Variants in PRKDC observed in about 807,000 individuals in gnomAD.
The protein encoded by PRKDC is DNA-dependent protein kinase catalytic subunit.
Under a neutral mutation model 486.9 loss-of-function variants are expected in PRKDC, and 82 were observed. The ratio of observed to expected loss-of-function variants is 0.17; its 90% CI spans 0.14 to 0.20. The LOEUF (loss-of-function observed/expected upper bound fraction) is 0.20. Ranked by LOEUF, PRKDC falls within the 10% of genes least tolerant of loss-of-function variation. PRKDC has a pLI of 1.00. For synonymous variants in PRKDC, 1,895 were observed against 1,837.0 expected (o/e 1.03, Z -0.81); for missense variants, 4,504 against 5,038.2 (o/e 0.89, Z 3.21).
rs1406100737 is a variant in PRKDC, at chr8:47,863,454, C to T, written c.5695G>A (p.Val1899Ile). 5 of 1,611,962 alleles carry T rather than the reference C, an allele frequency of 3.1e-6. No individual in the cohort carries two copies. In the South Asian group the frequency reaches 3.3e-5, roughly 11 times the overall value. The part of the protein sequence containing the change: ...VHAKESKINQ[V>I]FHGSCITEGN... ...TCTGTAATACACGAGCCATGGAAAA[C>T]TTGATTAATTTTTGATTCCTTAGCA... Residue 1899 changes from valine to isoleucine, a missense_variant, in exon 42 of 86, where the codon GTT becomes ATT. Physicochemically the swap from Val to Ile is conservative, Grantham distance 29. Coordinates refer to ENST00000314191, the MANE Select transcript of PRKDC (RefSeq NM_006904.7).
intron 54 of PRKDC, among the ~76,000 whole-genome samples, chr8:47,846,849 T>C (rs1232824381): frequency 1.3e-5 from 2 of 152,220 alleles, no homozygotes; most frequent in African/African-American, 2.4e-5. Context: ...GTAACATTTC[T>C]ATACACCAAT....
intron 47 of PRKDC, 68 bp downstream of exon 47, chr8:47,858,781 T>C: frequency 6.5e-7 from 1 of 1,535,726 alleles, no homozygotes; most frequent in African/African-American, 1.4e-5. Context: ...TTTTCAATAT[T>C]AAATGTTCAT....
chr8:47,865,751 A>G (rs1181145876), intron 40 of PRKDC, among the ~76,000 whole-genome samples: 1 of 152,114 alleles, frequency 6.6e-6, no homozygotes, highest in Non-Finnish European at 1.5e-5. Flanking sequence ...TTTGGGTACT[A>G]TAATGGACTG....
At chr8:47,866,250 G>A (rs1589752824) in intron 40 of PRKDC, among the ~76,000 whole-genome samples, 2 of 151,818 alleles carry the variant, frequency 1.3e-5, no homozygotes, top group East Asian at 3.9e-4. Context: ...TATAAAGCAG[G>A]CAAGCGGGCT....
Position 47,859,750 on chromosome 8 carries a change from G to C in PRKDC, c.6068C>G (p.Ser2023Cys). Residue 2023 changes from serine (S) to cysteine (C), a missense_variant, in exon 46 of 86, where the codon TCC (serine) becomes TGC (cysteine). By Grantham distance (112) the Ser-to-Cys change is moderately radical. Around this residue, in one of 6 missense-constraint regions of PRKDC, gnomAD observed 1,592 missense variants for 1,724.6 expected, o/e 0.92. Transcript: ENST00000314191. ...CAAATATGACAGGGAAGACATATAG[G>C]AAGGACCATCTGAAATATAAAAAAG... ...EAANGDSDGP[S>C]YMSSLSYLAD... is the part of the protein sequence containing the mutation. The C allele has an allele frequency of 6.2e-7, 1 of 1,611,004 alleles. No homozygotes were observed. The highest frequency in any genetic ancestry group is 8.5e-7 in the Non-Finnish European group (1 of 1,177,590).
At chr8:47,885,846 C>G (rs563561444) in intron 36 of PRKDC, 98 bp downstream of exon 36, 1 of 1,164,402 alleles carries the variant, frequency 8.6e-7, no homozygotes, top group African/African-American at 1.5e-5. Context: ...CAGCAGAGAT[C>G]GTGCCACTGC....
intron 22 of PRKDC, among the ~76,000 whole-genome samples, chr8:47,917,489 A>T (rs527483889): frequency 3.9e-5 from 6 of 152,204 alleles, no homozygotes; most frequent in Non-Finnish European, 8.8e-5. Context: ...TTCTTACTTC[A>T]TTCCAAAAAT....
chr8:47,928,273 T>C (rs1000276662), intron 19 of PRKDC, among the ~76,000 whole-genome samples: 3 of 149,696 alleles, frequency 2.0e-5, no homozygotes, highest in African/African-American at 7.4e-5. Context: ...TGCCTCGGCA[T>C]CCCAAGTAGG....
intron 51 of PRKDC, 32 bp downstream of exon 51, chr8:47,854,051 G>A (rs757963096): frequency 1.2e-5 from 19 of 1,610,958 alleles, no homozygotes; most frequent in Admixed American, 3.4e-5. Context: ...TTGGGTAGAC[G>A]TGACCTAAAA....
intron 51 of PRKDC, among the ~76,000 whole-genome samples, chr8:47,853,639 C>T (rs2088467023): frequency 6.6e-6 from 1 of 152,162 alleles, no homozygotes; most frequent in Non-Finnish European, 1.5e-5. Context: ...CAGAACAAAG[C>T]CTTCCGAGGG....
chr8:47,799,134 G>T, intron 72 of PRKDC, 76 bp downstream of exon 72: 14 of 1,534,394 alleles, frequency 9.1e-6, no homozygotes, highest in Non-Finnish European at 1.2e-5. Flanking sequence ...ACAAAGAGGA[G>T]ACCAAAGGTA....
intron 53 of PRKDC, 34 bp downstream of exon 53, chr8:47,849,345 T>G: frequency 6.2e-7 from 1 of 1,613,834 alleles, no homozygotes; most frequent in Non-Finnish European, 8.5e-7. Flanking sequence ...CCGAGGACCC[T>G]CCTGCCCCGA....
intron 85 of PRKDC, among the ~76,000 whole-genome samples, chr8:47,776,154 TCTTACA>T (rs1367536069): frequency 6.6e-6 from 1 of 152,168 alleles, no homozygotes; most frequent in African/African-American, 2.4e-5. Flanking sequence ...TAGTTTTGAC[TCTTACA>T]CTTAGCTCTC....
chr8:47,856,303 C>A (rs576246926), intron 49 of PRKDC, among the ~76,000 whole-genome samples: 38 of 152,226 alleles, frequency 2.5e-4, no homozygotes, highest in African/African-American at 9.2e-4. Flanking sequence ...TTTCAGCTCA[C>A]CACAACCTCC....
At position 47,837,227 on chromosome 8, in the gene PRKDC, T is replaced by C; in HGVS notation, c.7746A>G (p.Ser2582=). 3.1e-6 allele frequency: 5 copies of C among 1,613,572 alleles called. No individual in the cohort carries two copies. Among genetic ancestry groups the C allele is most frequent in the Non-Finnish European group, 4.2e-6 (5 of 1,179,596 alleles). The change falls in exon 57 of 86, where the codon TCA becomes TCG. Residue 2582 remains serine, a synonymous_variant. Transcript: ENST00000314191. The part of the protein sequence containing the change: ...YPNPMFEHPL[S]ECEFQEYTID... ...ACCACATTACCTGAAATTCGCATTCTGACAGAGGATGCTCGAACATGGGGT... is the reference window on the plus strand; with the variant it reads ...ACCACATTACCTGAAATTCGCATTCCGACAGAGGATGCTCGAACATGGGGT...
intron 67 of PRKDC, among the ~76,000 whole-genome samples, chr8:47,818,795 T>G (rs1268612789): frequency 6.6e-6 from 1 of 152,198 alleles, no homozygotes; most frequent in Non-Finnish European, 1.5e-5. Context: ...TTAATTTTAA[T>G]TATTTAGGAC....
At chr8:47,947,296 T>C (rs1189846337) in intron 7 of PRKDC, among the ~76,000 whole-genome samples, 1 of 152,148 alleles carries the variant, frequency 6.6e-6, no homozygotes, top group Non-Finnish European at 1.5e-5. Flanking sequence ...GTGCTCCACC[T>C]CTCCAAATTC....
Position 47,781,330 on chromosome 8 carries a change from T to C in PRKDC, c.11489+832A>G, listed in dbSNP as rs935942913. On this transcript the variant is annotated intron_variant, in intron 80 of 85. Coordinates refer to ENST00000314191, the MANE Select transcript of PRKDC (RefSeq NM_006904.7). ...CTAAAAGTTGGTGAACACTGCCCTGTAGAGTAATTATCACCTGGGAATATG... is the reference window on the plus strand; with the variant it reads ...CTAAAAGTTGGTGAACACTGCCCTGCAGAGTAATTATCACCTGGGAATATG... Among the ~76,000 whole-genome samples the C allele has an allele frequency of 3.3e-5, 5 of 152,170 alleles. No individual in the cohort carries two copies. In the East Asian group the frequency reaches 7.7e-4, roughly 24 times the overall value.
intron 68 of PRKDC, among the ~76,000 whole-genome samples, chr8:47,814,688 CAG>C (rs781328599): frequency 2.0e-5 from 3 of 152,100 alleles, no homozygotes; most frequent in Non-Finnish European, 4.4e-5. Context: ...TCTAAATTAA[CAG>C]AGATATGCCA....
Sources: allele counts gnomAD v4.1 joint callset (sites outside exome capture counted in the v4.1 genomes callset), GRCh38; gene constraint gnomAD v4.1.1; regional missense constraint gnomAD v4.1.1; transcripts MANE v1.5; gene names NCBI Gene and HGNC (gene_info 2026-07-23, HGNC 2026-07-21).